Variants in COLEC10 observed in about 807,000 individuals in gnomAD.
COLEC10 encodes the protein collectin subfamily member 10.
COLEC10 carries 22 observed loss-of-function variants against 28.4 expected under a neutral mutation model. That is an observed-to-expected ratio of 0.78 (90% CI 0.55 to 1.11). The LOEUF (loss-of-function observed/expected upper bound fraction) is 1.11. Ranked by LOEUF, COLEC10 falls within the 50% of genes least tolerant of loss-of-function variation. The probability of loss-of-function intolerance (pLI) is 0.00; values close to 1 mark genes in which losing one functional copy is unlikely to be tolerated. For synonymous variants in COLEC10, 125 were observed against 116.1 expected (o/e 1.08, Z -0.49); for missense variants, 361 against 344.1 (o/e 1.05, Z -0.39).
intron 2 of COLEC10, among the ~76,000 whole-genome samples, chr8:119,055,030 A>G (rs1814738617): frequency 6.6e-6 from 1 of 152,138 alleles, no homozygotes; most frequent in Admixed American, 6.6e-5. Context: ...ACATAAACAA[A>G]CCATTAAAAA....
upstream of COLEC10, among the ~76,000 whole-genome samples, chr8:118,993,515 C>G (rs1030463617): frequency 2.0e-5 from 3 of 151,954 alleles, no homozygotes; most frequent in African/African-American, 7.3e-5. Flanking sequence ...CCATCACACC[C>G]GGCTAATTTT....
rs1207205716 is a variant in COLEC10, at chr8:119,107,935, A to G, written c.*1744A>G. Among the ~76,000 whole-genome samples, 5 of 152,216 alleles carry G rather than the reference A, an allele frequency of 3.3e-5. No individual in the cohort carries two copies. The highest frequency in any genetic ancestry group is 9.6e-5 in the African/African-American group (4 of 41,472). On this transcript the variant is annotated 3_prime_UTR_variant, in exon 6 of 6. Coordinates refer to ENST00000332843, the MANE Select transcript of COLEC10 (RefSeq NM_006438.5). ...TAATTAAAATTAAAGATTTGAGGTC[A>G]AAAGTCTTCTAGCTAAAGTTGTGAT...
chr8:118,969,169 G>A, the COLEC10 span, among the ~76,000 whole-genome samples: 4 of 152,022 alleles, frequency 2.6e-5, no homozygotes, highest in Non-Finnish European at 5.9e-5. Context: ...GCCAAGAAAC[G>A]CCAACAACCT....
intron 3 of COLEC10, among the ~76,000 whole-genome samples, chr8:119,099,941 T>C (rs571906573): frequency 6.6e-6 from 1 of 152,304 alleles, no homozygotes; most frequent in Non-Finnish European, 1.5e-5. Context: ...ATGTCCATTT[T>C]AAAGCTTAGC....
intron 2 of COLEC10, among the ~76,000 whole-genome samples, chr8:119,047,826 A>C (rs1814611444): frequency 6.6e-6 from 1 of 152,172 alleles, no homozygotes; most frequent in African/African-American, 2.4e-5. Context: ...TAAATTCTAG[A>C]GTTTGAAAAA....
At chr8:119,081,292 A>T (rs1815361694) in intron 1 of COLEC10, among the ~76,000 whole-genome samples, 1 of 152,160 alleles carries the variant, frequency 6.6e-6, no homozygotes, top group African/African-American at 2.4e-5. Flanking sequence ...TTATACATAC[A>T]TATATTTCTC....
intron 1 of COLEC10, among the ~76,000 whole-genome samples, chr8:119,079,761 C>CAGTTGTTT (rs58814289): frequency 0.2 from 29,836 of 151,650 alleles, 3,884 homozygotes; most frequent in African/African-American, 0.37. Flanking sequence ...TTGAAATCCC[C>CAGTTGTTT]AGTTGTTTTC....
intron 2 of COLEC10, among the ~76,000 whole-genome samples, chr8:119,014,005 TTAA>T (rs1813946043): frequency 1.3e-5 from 2 of 150,866 alleles, no homozygotes; most frequent in Admixed American, 1.3e-4. Flanking sequence ...ATTGCTCTCA[TTAA>T]TATCACTCAC....
chr8:119,036,209 T>TA (rs933114779), intron 2 of COLEC10, among the ~76,000 whole-genome samples: 1 of 152,182 alleles, frequency 6.6e-6, no homozygotes, highest in Non-Finnish European at 1.5e-5. Context: ...AGAAGAAATT[T>TA]AAAAAAACAA....
the COLEC10 span, among the ~76,000 whole-genome samples, chr8:118,987,480 CTT>C: frequency 1.8e-4 from 28 of 152,124 alleles, no homozygotes; most frequent in African/African-American, 5.1e-4. Context: ...ATGAAAATCT[CTT>C]GAACCCAGGA....
intron 1 of COLEC10, among the ~76,000 whole-genome samples, chr8:119,070,442 CCT>C: frequency 7.7e-6 from 1 of 130,394 alleles, no homozygotes; most frequent in Non-Finnish European, 1.5e-5. Flanking sequence ...AAATGTTCTC[CCT>C]CGCTCTCTCT....
At chr8:118,963,986 A>G in the COLEC10 span, among the ~76,000 whole-genome samples, 1 of 152,198 alleles carries the variant, frequency 6.6e-6, no homozygotes, top group Non-Finnish European at 1.5e-5. Context: ...GCATACACCA[A>G]TGTGCAATTT....
At chr8:119,045,007 T>G (rs1814562972) in intron 2 of COLEC10, among the ~76,000 whole-genome samples, 1 of 152,182 alleles carries the variant, frequency 6.6e-6, no homozygotes, top group African/African-American at 2.4e-5. Context: ...CAGTTCTAAT[T>G]TTAGACTCCC....
At chr8:119,049,483 G>C (rs2130172896) in intron 2 of COLEC10, among the ~76,000 whole-genome samples, 1 of 133,518 alleles carries the variant, frequency 7.5e-6, no homozygotes. Context: ...GGCGCAATCT[G>C]GGCTCACTGC....
chr8:119,106,029 C>T lies in COLEC10; in HGVS notation c.672C>T (p.Asp224=). ...LEREGQYMFT[D]NTPLQNYSNW... ...GGGAGGGACAGTACATGTTCACAGA[C>T]AACACTCCACTGCAGAACTATAGCA... is the stretch of plus-strand genomic sequence containing the variant. Residue 224 remains aspartate, a synonymous_variant, in exon 6 of 6, where the codon GAC becomes GAT. Transcript: ENST00000332843. 1 of 1,613,856 alleles carries T rather than the reference C, an allele frequency of 6.2e-7. No individual in the cohort carries two copies. The highest frequency in any genetic ancestry group is 8.5e-7 in the Non-Finnish European group (1 of 1,179,896).
chr8:119,019,109 T>G (rs1213836204), intron 2 of COLEC10, among the ~76,000 whole-genome samples: 1 of 152,204 alleles, frequency 6.6e-6, no homozygotes, highest in Non-Finnish European at 1.5e-5. Context: ...ATGTTTAGCA[T>G]GTTGTATGTG....
chr8:119,027,570 G>A (rs778491362), intron 2 of COLEC10, among the ~76,000 whole-genome samples: 20 of 152,108 alleles, frequency 1.3e-4, no homozygotes, highest in Non-Finnish European at 2.8e-4. Context: ...TTTTCAGAGG[G>A]ACAACAATTT....
chr8:119,050,829 G>A (rs897435999), intron 2 of COLEC10, among the ~76,000 whole-genome samples: 2 of 152,182 alleles, frequency 1.3e-5, no homozygotes, highest in Non-Finnish European at 2.9e-5. Context: ...CTCATTGCCT[G>A]TGTAAGTTAA....
chr8:119,003,350 G>A (rs948807920), intron 1 of COLEC10, among the ~76,000 whole-genome samples: 2 of 152,154 alleles, frequency 1.3e-5, no homozygotes, highest in South Asian at 2.1e-4. Context: ...CTAGTTTGCC[G>A]GTTTTTAGGT....
Sources: gnomAD v4.1 joint callset for allele counts (sites outside exome capture counted in the v4.1 genomes callset) on GRCh38, gnomAD v4.1.1 for gene constraint, MANE v1.5 for transcripts, NCBI Gene and HGNC (gene_info 2026-07-23, HGNC 2026-07-21) for gene names.